Variants in ZNF106 observed in about 807,000 individuals in gnomAD.
ZNF106 encodes the protein zinc finger protein 106.
ZNF106 carries 67 observed loss-of-function variants against 195.1 expected under a neutral mutation model. The ratio of observed to expected loss-of-function variants is 0.34; its 90% confidence interval spans 0.28 to 0.42. The LOEUF (loss-of-function observed/expected upper bound fraction) is 0.42, where lower values mean the gene tolerates loss of function less well. ZNF106 is among the 10% of genes least tolerant of loss of function. The pLI, the probability that ZNF106 is intolerant of heterozygous loss-of-function variation, is 1.00. For missense variants in ZNF106, 2,118 were observed against 2,304.5 expected, an observed-to-expected ratio of 0.92 and a Z score of 1.66; for synonymous variants, 784 against 818.6, an observed-to-expected ratio of 0.96 and a Z score of 0.72.
In ZNF106 at chr15:42,448,009, T is replaced by C; in HGVS notation, c.3135+63A>G. The stretch of plus-strand genomic sequence containing the variant: ...ACCCAAGAAAAACAGTTGAACCTTT[T>C]TTCATAAGCAACCAACTTGCCACAT... On this transcript the variant is annotated intron_variant, in intron 6 of 21. Coordinates refer to ENST00000564754, the MANE Select transcript of ZNF106 (RefSeq NM_001366845.3). 1.3e-6 allele frequency: 2 copies of C among 1,520,200 alleles called. 1 individual carries two copies. The highest frequency in any genetic ancestry group is 2.6e-5 in the South Asian group (2 of 75,908). The allele number at this position is 1,520,200 out of a possible 1,614,324, so 94.2% of individuals were successfully genotyped here.
chr15:42,422,745 G>C, intron 17 of ZNF106, 125 bp from the exon 18 acceptor site: 1 of 943,874 alleles, frequency 1.1e-6, no homozygotes, highest in Non-Finnish European at 1.5e-6. Context: ...ACAATTAATT[G>C]TATTAACTGT....
rs2054923214 is a variant in ZNF106, at chr15:42,428,147, C to G, written c.4882-13G>C. The G allele has an allele frequency of 6.2e-7, 1 of 1,608,906 alleles. No homozygotes were observed. Among genetic ancestry groups the G allele is most frequent in the Non-Finnish European group, 8.5e-7 (1 of 1,175,532 alleles). On this transcript the variant is annotated splice_polypyrimidine_tract_variant and intron_variant, in intron 14 of 21. Coordinates refer to ENST00000564754, the MANE Select transcript of ZNF106 (RefSeq NM_001366845.3). ...CACACTCTCGGCTCTGATAAAAGCA[C>G]ACAACCTTTAATCAGCAGAGGGTAC...
At chr15:42,482,452 G>C (rs1357406398) in intron 1 of ZNF106, among the ~76,000 whole-genome samples, 2 of 140,772 alleles carry the variant, frequency 1.4e-5, no homozygotes, top group East Asian at 2.1e-4. Context: ...TTTTACTTTT[G>C]TTTTCATAGT....
intron 2 of ZNF106, among the ~76,000 whole-genome samples, chr15:42,467,048 G>A (rs1388274708): frequency 3.3e-5 from 5 of 151,966 alleles, no homozygotes; most frequent in African/African-American, 9.7e-5. Flanking sequence ...CAGGAGAATC[G>A]CTTGAACCCG....
intron 9 of ZNF106, 69 bp downstream of exon 9, chr15:42,444,133 A>G: frequency 1.9e-6 from 2 of 1,061,314 alleles, no homozygotes; most frequent in South Asian, 1.6e-5. Context: ...AAAAAAAAAA[A>G]AAAAAGCAGA....
chr15:42,457,983 G>T (rs150704828), intron 3 of ZNF106, among the ~76,000 whole-genome samples: 14 of 152,218 alleles, frequency 9.2e-5, no homozygotes, highest in Non-Finnish European at 2.1e-4. Context: ...TCTTGAATCA[G>T]TGTCCACAGC....
At chr15:42,420,099 A>G (rs1049414884) in intron 20 of ZNF106, among the ~76,000 whole-genome samples, 1 of 152,246 alleles carries the variant, frequency 6.6e-6, no homozygotes, top group African/African-American at 2.4e-5. Flanking sequence ...CCTGTCGTTC[A>G]GTAGTGCCTC....
chr15:42,450,527 G>T lies in ZNF106; in HGVS notation c.1745C>A (p.Thr582Asn), dbSNP rs1193816666. ...QNPLLSTSKSTRNYAKASRNV... is the reference protein window; with the variant it reads ...QNPLLSTSKSNRNYAKASRNV... ...TCTACTTGCTTTTGCATAGTTCCTG[G>T]TACTTTTAGAAGTGCTAAGAAGTGG... Residue 582 changes from threonine to asparagine, a missense_variant, in exon 5 of 22, where the codon ACC becomes AAC. Coordinates refer to ENST00000564754, the MANE Select transcript of ZNF106 (RefSeq NM_001366845.3). 1 of 1,614,044 alleles carries T rather than the reference G, an allele frequency of 6.2e-7. No individual in the cohort carries two copies. Among genetic ancestry groups the T allele is most frequent in the African/African-American group, 1.3e-5 (1 of 74,984 alleles).
At position 42,416,613 on chromosome 15, in the gene ZNF106, A is replaced by G. The variant is rs2054469971; in HGVS notation, c.*691T>C. The G allele has an allele frequency of 6.6e-6, 1 of 152,246 alleles. No individual in the cohort carries two copies. Among genetic ancestry groups the G allele is most frequent in the South Asian group, 2.1e-4 (1 of 4,830 alleles). 9.4% of individuals were successfully genotyped at this position (152,246 alleles called of 1,614,324 possible). On this transcript the variant is annotated 3_prime_UTR_variant, in exon 22 of 22. Coordinates refer to ENST00000564754, the MANE Select transcript of ZNF106 (RefSeq NM_001366845.3). ...CACTGAGCTTTCTATCCACATTTACAGAGATTTACTAGAAGTGGTGTCTGT... is the reference window on the plus strand; with the variant it reads ...CACTGAGCTTTCTATCCACATTTACGGAGATTTACTAGAAGTGGTGTCTGT...
At position 42,457,247 on chromosome 15, in the gene ZNF106, C is replaced by T. The variant is rs1484790906; in HGVS notation, c.117-89G>A. On this transcript the variant is annotated intron_variant, in intron 3 of 21. Coordinates refer to ENST00000564754, the MANE Select transcript of ZNF106 (RefSeq NM_001366845.3). The stretch of plus-strand genomic sequence containing the variant: ...CTGTTATTGTTTCCTCTGAAGGACA[C>T]TGCACACTTTGGCACAGTGAAAAAT... 3 of 1,596,236 alleles carry T rather than the reference C, an allele frequency of 1.9e-6. No individual in the cohort carries two copies. The African/African-American group carries it at 4.0e-5, about 21-fold the overall frequency.
At chr15:42,462,685 A>G (rs1029011170) in intron 3 of ZNF106, among the ~76,000 whole-genome samples, 6 of 152,220 alleles carry the variant, frequency 3.9e-5, no homozygotes, top group African/African-American at 1.4e-4. Flanking sequence ...CCTCTAAGAG[A>G]GAAATAGGAT....
chr15:42,489,093 AAC>A (rs368303436), intron 1 of ZNF106, among the ~76,000 whole-genome samples: 8,175 of 142,296 alleles, frequency 0.057, 746 homozygotes, highest in African/African-American at 0.2. Context: ...AAAAAAAAAC[AAC>A]ACACACACAC....
chr15:42,441,155 T>G (rs2055520419), intron 10 of ZNF106, among the ~76,000 whole-genome samples: 1 of 128,026 alleles, frequency 7.8e-6, no homozygotes, highest in Admixed American at 8.4e-5. Context: ...GGCAACATGG[T>G]GAATCCCCAT....
At chr15:42,457,476 G>C in intron 3 of ZNF106, 1 of 1,209,670 alleles carries the variant, frequency 8.3e-7, no homozygotes, top group Non-Finnish European at 1.0e-6. Context: ...GGCAGGGCAG[G>C]GGGCTCAGAG....
At position 42,446,474 on chromosome 15, in the gene ZNF106, G is replaced by A. The variant is rs986035476; in HGVS notation, c.3205+115C>T. On this transcript the variant is annotated intron_variant, in intron 7 of 21. Transcript: ENST00000564754. ...TACCAGTAGTCCTAGCTGCTCGGGA[G>A]GCTGAGAGAAGAGGATTGCTTGAGC... The A allele has an allele frequency of 7.8e-6, 6 of 769,358 alleles. No homozygotes were observed. In the African/African-American group the frequency reaches 1.1e-4, roughly 14 times the overall value. 47.7% of individuals were successfully genotyped at this position (769,358 alleles called of 1,614,324 possible). A position where few individuals can be genotyped will look rare whatever the true frequency, so the allele number is the denominator to read the frequency against.
rs138145326 is a variant in ZNF106, at chr15:42,461,757, G to C, written c.116+4296C>G. Among the ~76,000 whole-genome samples, 18 of 152,256 alleles carry C rather than the reference G, an allele frequency of 1.2e-4. No individual in the cohort carries two copies. The East Asian group carries it at 3.1e-3, about 26-fold the overall frequency. On this transcript the variant is annotated intron_variant, in intron 3 of 21. Transcript: ENST00000564754. ...GTAGACACAACTATAAAGAGAAAAA[G>C]AAAGTCTCAGTGTCAGAAACCCAGT...
chr15:42,479,588 T>A lies in ZNF106; in HGVS notation c.-32-7267A>T, dbSNP rs113475145. 2.2e-3 allele frequency among the ~76,000 whole-genome samples: 335 copies of A among 152,094 alleles called. 4 individuals carry two copies. The highest frequency in any genetic ancestry group is 7.9e-3 in the African/African-American group (327 of 41,516). The stretch of plus-strand genomic sequence containing the variant: ...CAGGCACAATGGCTCAGGCCTGTAA[T>A]CCTAGCACTTTGGGAGGCCAAGGCG... On this transcript the variant is annotated intron_variant, in intron 1 of 21. Coordinates refer to ENST00000564754, the MANE Select transcript of ZNF106 (RefSeq NM_001366845.3).
At chr15:42,490,506 A>T (rs2141479839) in intron 1 of ZNF106, 1 of 152,328 alleles carries the variant, frequency 6.6e-6, no homozygotes, top group South Asian at 2.1e-4. Context: ...CGGACACAGT[A>T]AGCTGTTGTT....
chr15:42,464,212 C>T (rs183094821), intron 3 of ZNF106, among the ~76,000 whole-genome samples: 8 of 147,664 alleles, frequency 5.4e-5, no homozygotes, highest in Non-Finnish European at 7.7e-5. Context: ...TGGTGACGCA[C>T]GCCTGTAATC....
Sources: gnomAD v4.1 joint callset for allele counts (sites outside exome capture counted in the v4.1 genomes callset) on GRCh38, gnomAD v4.1.1 for gene constraint, MANE v1.5 for transcripts, NCBI Gene and HGNC (gene_info 2026-07-23, HGNC 2026-07-21) for gene names.